Variants in TCF12 observed in about 807,000 individuals in gnomAD.
TCF12 encodes the protein transcription factor 12.
TCF12 carries 45 observed loss-of-function variants against 86.0 expected under a neutral mutation model. That is an observed-to-expected ratio of 0.52 (90% confidence interval 0.41 to 0.67). The LOEUF is 0.67. TCF12 is among the 30% of genes least tolerant of loss of function. The probability of loss-of-function intolerance (pLI) is 0.00; values close to 1 mark genes in which losing one functional copy is unlikely to be tolerated. For missense variants in TCF12, 881 were observed against 859.9 expected, an observed-to-expected ratio of 1.02 and a Z score of -0.31; for synonymous variants, 330 against 299.6, an observed-to-expected ratio of 1.10 and a Z score of -1.05.
chr15:57,121,276 C>T (rs368919606), intron 5 of TCF12, among the ~76,000 whole-genome samples: 4 of 152,252 alleles, frequency 2.6e-5, no homozygotes, highest in African/African-American at 9.6e-5. Flanking sequence ...TTAAATAATA[C>T]ATTTTTGGTT....
chr15:57,146,780 C>T (rs1337772695), intron 5 of TCF12, among the ~76,000 whole-genome samples: 2 of 152,044 alleles, frequency 1.3e-5, no homozygotes, highest in African/African-American at 4.8e-5. Context: ...CTCTTAGCAA[C>T]ATTTGGGAAC....
At chr15:57,236,557 C>A (rs2059388516) in intron 12 of TCF12, among the ~76,000 whole-genome samples, 1 of 152,098 alleles carries the variant, frequency 6.6e-6, no homozygotes, top group South Asian at 2.1e-4. Flanking sequence ...AAAATTAATT[C>A]TATTTCCCCA....
chr15:57,010,927 A>G (rs1408340353), intron 3 of TCF12, among the ~76,000 whole-genome samples: 2 of 152,256 alleles, frequency 1.3e-5, no homozygotes, highest in East Asian at 3.9e-4. Context: ...TCAGAGTTGG[A>G]CAGGTAGAAC....
At chr15:57,198,443 G>T (rs1393305779) in intron 8 of TCF12, among the ~76,000 whole-genome samples, 1 of 152,098 alleles carries the variant, frequency 6.6e-6, no homozygotes, top group Admixed American at 6.5e-5. Flanking sequence ...TATCCTTTGA[G>T]AATAAAGGGC....
intron 4 of TCF12, among the ~76,000 whole-genome samples, chr15:57,085,927 T>G (rs1332838290): frequency 6.6e-6 from 1 of 152,126 alleles, no homozygotes; most frequent in East Asian, 1.9e-4. Context: ...CGTGGATACT[T>G]GTTCAATCCG....
chr15:57,087,124 C>A (rs1212845275), intron 4 of TCF12, among the ~76,000 whole-genome samples: 2 of 151,088 alleles, frequency 1.3e-5, no homozygotes, highest in Non-Finnish European at 2.9e-5. Flanking sequence ...TCTCCCTACC[C>A]CCCTGCTCAC....
intron 3 of TCF12, among the ~76,000 whole-genome samples, chr15:56,966,922 A>G (rs1166246161): frequency 3.3e-5 from 5 of 151,918 alleles, no homozygotes; most frequent in African/African-American, 1.2e-4. Context: ...CGGGAGTTTG[A>G]GACCAACCTG....
At chr15:57,114,340 G>C (rs1177377896) in intron 5 of TCF12, among the ~76,000 whole-genome samples, 1 of 152,168 alleles carries the variant, frequency 6.6e-6, no homozygotes, top group Non-Finnish European at 1.5e-5. Context: ...GTGCAGGCTG[G>C]AGTGCAGTGG....
chr15:57,159,496 A>G (rs2054346935), intron 5 of TCF12, among the ~76,000 whole-genome samples: 1 of 152,230 alleles, frequency 6.6e-6, no homozygotes, highest in Non-Finnish European at 1.5e-5. Flanking sequence ...GTCTGCTCAT[A>G]AAACTGTCAT....
At chr15:57,081,474 T>C (rs1444937588) in intron 4 of TCF12, among the ~76,000 whole-genome samples, 2 of 152,220 alleles carry the variant, frequency 1.3e-5, no homozygotes, top group African/African-American at 4.8e-5. Context: ...ATAAAGCCTT[T>C]AGCCCAAGTT....
intron 3 of TCF12, among the ~76,000 whole-genome samples, chr15:56,938,050 T>C (rs1444359884): frequency 6.7e-6 from 1 of 149,970 alleles, no homozygotes; most frequent in Non-Finnish European, 1.5e-5. Flanking sequence ...CTTTTCTTTT[T>C]TTTTTTTTTT....
At chr15:57,077,244 A>T (rs1304281589) in intron 4 of TCF12, among the ~76,000 whole-genome samples, 1 of 151,722 alleles carries the variant, frequency 6.6e-6, no homozygotes, top group African/African-American at 2.4e-5. Flanking sequence ...TGGAGGGGGA[A>T]CTTAACAGTG....
At chr15:57,119,560 GT>G (rs1414980481) in intron 5 of TCF12, among the ~76,000 whole-genome samples, 2 of 149,940 alleles carry the variant, frequency 1.3e-5, no homozygotes, top group African/African-American at 4.9e-5. Flanking sequence ...TAAAATTGAA[GT>G]TTCTTTTTTC....
At chr15:57,085,915 C>T (rs2048592249) in intron 4 of TCF12, among the ~76,000 whole-genome samples, 1 of 151,972 alleles carries the variant, frequency 6.6e-6, no homozygotes, top group Non-Finnish European at 1.5e-5. Context: ...ATACCAGAAA[C>T]CCGTGGATAC....
chr15:57,273,403 C>T (rs748986328), intron 19 of TCF12, 141 bp downstream of exon 19: 3 of 789,044 alleles, frequency 3.8e-6, no homozygotes, highest in Non-Finnish European at 6.0e-6. Flanking sequence ...GTCGTTTTTC[C>T]TGTAATTCTC....
intron 3 of TCF12, among the ~76,000 whole-genome samples, chr15:57,037,043 G>A (rs929163225): frequency 6.6e-6 from 1 of 152,144 alleles, no homozygotes. Context: ...TGGACAAGCA[G>A]GTAAGTGATT....
chr15:56,993,165 G>C (rs1212181588), intron 3 of TCF12, among the ~76,000 whole-genome samples: 3 of 152,050 alleles, frequency 2.0e-5, no homozygotes, highest in Non-Finnish European at 4.4e-5. Flanking sequence ...ATCTGAAACA[G>C]AAAGCTCTAA....
intron 3 of TCF12, among the ~76,000 whole-genome samples, chr15:56,977,507 A>C (rs1466400797): frequency 6.6e-6 from 1 of 152,000 alleles, no homozygotes; most frequent in East Asian, 1.9e-4. Context: ...TCCACTCTGA[A>C]CGGAATTAGA....
At chr15:57,091,676 G>T in intron 4 of TCF12, 113 bp from the exon 5 acceptor site, 1 of 577,406 alleles carries the variant, frequency 1.7e-6, no homozygotes, top group Non-Finnish European at 2.9e-6. Flanking sequence ...CAAGAAACTT[G>T]GTCAGAAATG....
Sources: allele counts gnomAD v4.1 joint callset (sites outside exome capture counted in the v4.1 genomes callset), GRCh38; gene constraint gnomAD v4.1.1; transcripts MANE v1.5; gene names NCBI Gene and HGNC (gene_info 2026-07-23, HGNC 2026-07-21).